ANK3: variants seen among roughly 807,000 people sequenced by gnomAD.
ANK3 encodes the protein ankyrin 3, also known as ankyrin-3.
ANK3 carries 57 observed loss-of-function variants against 370.9 expected under a neutral mutation model. That is an observed-to-expected ratio of 0.15 (90% confidence interval 0.12 to 0.19). The LOEUF (loss-of-function observed/expected upper bound fraction) is 0.19, where lower values mean the gene tolerates loss of function less well. Ranked by LOEUF, ANK3 falls within the 10% of genes least tolerant of loss-of-function variation. ANK3 has a pLI of 1.00. For missense variants in ANK3, 4,439 were observed against 5,302.1 expected (o/e 0.84, Z 5.06); for synonymous variants, 1,929 against 1,946.3 (o/e 0.99, Z 0.23).
chr10:60,566,514 T>C (rs1262072432), intron 2 of ANK3, among the ~76,000 whole-genome samples: 1 of 152,168 alleles, frequency 6.6e-6, no homozygotes, highest in Non-Finnish European at 1.5e-5. Context: ...AACACATGAA[T>C]GATAAGAAAG....
intron 1 of ANK3, among the ~76,000 whole-genome samples, chr10:60,361,144 A>T (rs906594615): frequency 1.3e-5 from 2 of 152,216 alleles, no homozygotes; most frequent in Non-Finnish European, 1.5e-5. Context: ...ATTTTTTGAA[A>T]TCTTTCTTCT....
chr10:60,276,191 A>C (rs1183451598), intron 4 of ANK3, among the ~76,000 whole-genome samples: 1 of 152,180 alleles, frequency 6.6e-6, no homozygotes, highest in Non-Finnish European at 1.5e-5. Context: ...TATTTAAGAT[A>C]AGGAGAATTT....
intron 28 of ANK3, among the ~76,000 whole-genome samples, chr10:60,101,761 G>A (rs575330225): frequency 1.3e-5 from 2 of 152,270 alleles, no homozygotes; most frequent in East Asian, 3.9e-4. Flanking sequence ...GTGATAAGGA[G>A]TAACTTTTAA....
chr10:60,187,478 A>C (rs2096374973), intron 16 of ANK3, among the ~76,000 whole-genome samples: 1 of 152,176 alleles, frequency 6.6e-6, no homozygotes, highest in African/African-American at 2.4e-5. Context: ...TTAATCAAAA[A>C]GAGTTAGAGC....
At chr10:60,228,806 C>T (rs2097202625) in intron 8 of ANK3, among the ~76,000 whole-genome samples, 1 of 152,036 alleles carries the variant, frequency 6.6e-6, no homozygotes, top group Admixed American at 6.6e-5. Flanking sequence ...GGAGAAAAAG[C>T]AGACAACATT....
chr10:60,596,224 T>G (rs1383701705), intron 2 of ANK3, among the ~76,000 whole-genome samples: 2 of 152,172 alleles, frequency 1.3e-5, no homozygotes, highest in Admixed American at 6.6e-5. Context: ...ATATGTTCTC[T>G]TTAATAATTA....
chr10:60,038,732 C>T (rs1272979355), intron 43 of ANK3, among the ~76,000 whole-genome samples: 3 of 151,980 alleles, frequency 2.0e-5, no homozygotes, highest in Non-Finnish European at 2.9e-5. Flanking sequence ...CCTATCTTAC[C>T]TACCACCAGC....
chr10:60,468,995 G>GTACATATATA (rs1464396090), intron 2 of ANK3, among the ~76,000 whole-genome samples: 1 of 34,556 alleles, frequency 2.9e-5, no homozygotes, highest in African/African-American at 1.1e-4. Context: ...CACTTTTAGT[G>GTACATATATA]TGTATATATA....
intron 23 of ANK3, among the ~76,000 whole-genome samples, chr10:60,149,497 T>G (rs150405903): frequency 3.3e-4 from 51 of 152,352 alleles, no homozygotes; most frequent in African/African-American, 1.2e-3. Flanking sequence ...GCCTGTTGTT[T>G]GCAGTTAAAC....
intron 26 of ANK3, among the ~76,000 whole-genome samples, chr10:60,113,631 G>T (rs2092875017): frequency 6.6e-6 from 1 of 152,118 alleles, no homozygotes; most frequent in African/African-American, 2.4e-5. Context: ...AATGGCTTGG[G>T]CCCAGGAGGT....
chr10:60,547,031 T>A, intron 2 of ANK3, among the ~76,000 whole-genome samples: 1 of 151,794 alleles, frequency 6.6e-6, no homozygotes, highest in East Asian at 1.9e-4. Context: ...TTTCAACTAC[T>A]ACTAATGTTG....
At chr10:60,590,198 C>G (rs1007999828) in intron 2 of ANK3, among the ~76,000 whole-genome samples, 1 of 152,084 alleles carries the variant, frequency 6.6e-6, no homozygotes, top group African/African-American at 2.4e-5. Flanking sequence ...TCGTAGCCAC[C>G]AGTCATATGT....
chr10:60,507,329 CAT>C (rs1479441142), intron 2 of ANK3, among the ~76,000 whole-genome samples: 1 of 151,966 alleles, frequency 6.6e-6, no homozygotes, highest in East Asian at 1.9e-4. Flanking sequence ...ACCACCTAAA[CAT>C]ATTCACTTAG....
At chr10:60,059,856 G>C in intron 40 of ANK3, 2 of 1,614,234 alleles carry the variant, frequency 1.2e-6, no homozygotes, top group Non-Finnish European at 1.7e-6. Flanking sequence ...CCCCTGGGAA[G>C]GCACTAGCCC....
At position 60,069,115 on chromosome 10, in the gene ANK3, G is replaced by A. The variant is rs1313233170; in HGVS notation, c.11766C>T (p.Asn3922=). The A allele has an allele frequency of 3.1e-6, 5 of 1,613,962 alleles. 1 individual carries two copies. The African/African-American group carries it at 4.0e-5, about 13-fold the overall frequency. Residue 3922 remains asparagine, a synonymous_variant, in exon 37 of 44, where the codon AAC becomes AAT. Coordinates refer to ENST00000280772, the MANE Select transcript of ANK3 (RefSeq NM_020987.5). The part of the protein sequence containing the change: ...RIPVKNTHRD[N]IIAVRKACAT... ...CACATGCTTTTCTAACTGCAATTAT[G>A]TTATCCCTGTGTGTGTTTTTCACTG...
At chr10:60,189,174 T>C (rs1565560946) in intron 16 of ANK3, among the ~76,000 whole-genome samples, 2 of 152,178 alleles carry the variant, frequency 1.3e-5, no homozygotes. Flanking sequence ...AAGAATCCTA[T>C]GTCCTAAAAA....
At chr10:60,641,146 G>C (rs1312617842) in intron 1 of ANK3, among the ~76,000 whole-genome samples, 10 of 149,340 alleles carry the variant, frequency 6.7e-5, no homozygotes, top group Non-Finnish European at 1.3e-4. Context: ...CAAACAAATG[G>C]AAGAACATTC....
At chr10:60,670,027 G>A (rs1008091883) in intron 1 of ANK3, among the ~76,000 whole-genome samples, 3 of 151,984 alleles carry the variant, frequency 2.0e-5, no homozygotes, top group African/African-American at 7.3e-5. Flanking sequence ...GTCTCGCTAT[G>A]TTGCCCAGGC....
intron 23 of ANK3, among the ~76,000 whole-genome samples, chr10:60,154,041 A>C (rs1379659913): frequency 6.6e-6 from 1 of 152,200 alleles, no homozygotes; most frequent in African/African-American, 2.4e-5. Flanking sequence ...ACAGAGAATA[A>C]GATTTAGTCT....
Sources: gnomAD v4.1 joint callset for allele counts (sites outside exome capture counted in the v4.1 genomes callset) on GRCh38, gnomAD v4.1.1 for gene constraint, MANE v1.5 for transcripts, NCBI Gene and HGNC (gene_info 2026-07-23, HGNC 2026-07-21) for gene names.